The following LOC128462377 variants were observed in gnomAD, a reference collection of about 807,000 sequenced individuals.
At chr16:89,330,219 C>G in the LOC128462377 span, among the ~76,000 whole-genome samples, 1 of 152,146 alleles carries the variant, frequency 6.6e-6, no homozygotes, top group South Asian at 2.1e-4. Flanking sequence ...GCTGTGTGTC[C>G]GGTCAGGGGC....
chr16:89,348,637 T>C, the LOC128462377 span, among the ~76,000 whole-genome samples: 1 of 152,246 alleles, frequency 6.6e-6, no homozygotes, highest in Non-Finnish European at 1.5e-5. Flanking sequence ...GATACAGGAC[T>C]ATTTAAGCTA....
chr16:89,378,272 G>A, the LOC128462377 span, among the ~76,000 whole-genome samples: 1 of 152,142 alleles, frequency 6.6e-6, no homozygotes, highest in Non-Finnish European at 1.5e-5. Flanking sequence ...GGAAGGCACT[G>A]GTCAACAAAA....
the LOC128462377 span, among the ~76,000 whole-genome samples, chr16:89,328,518 CTATGGA>C: frequency 6.6e-6 from 1 of 152,206 alleles, no homozygotes; most frequent in Admixed American, 6.5e-5. Context: ...AAAGGGATGG[CTATGGA>C]TACACCCAAG....
chr16:89,413,342 T>C, the LOC128462377 span, among the ~76,000 whole-genome samples: 1 of 152,134 alleles, frequency 6.6e-6, no homozygotes, highest in Non-Finnish European at 1.5e-5. Flanking sequence ...AAAATGGAAG[T>C]GGACTGGGCG....
chr16:89,386,821 G>A, the LOC128462377 span, among the ~76,000 whole-genome samples: 1 of 152,182 alleles, frequency 6.6e-6, no homozygotes, highest in Non-Finnish European at 1.5e-5. Flanking sequence ...CCATAAAGCA[G>A]AAGCCTGAAG....
chr16:89,354,468 C>T, the LOC128462377 span, among the ~76,000 whole-genome samples: 1 of 152,222 alleles, frequency 6.6e-6, no homozygotes, highest in African/African-American at 2.4e-5. Context: ...CCTCCCTGCA[C>T]CAGTGGAAAT....
the LOC128462377 span, among the ~76,000 whole-genome samples, chr16:89,381,114 G>C: frequency 3.9e-5 from 6 of 152,140 alleles, no homozygotes; most frequent in Non-Finnish European, 7.4e-5. Context: ...TTTGAGATCA[G>C]GAGTTTGAGA....
the LOC128462377 span, among the ~76,000 whole-genome samples, chr16:89,349,177 T>TAAAAAAAAAAAAAAA: frequency 1.2e-5 from 1 of 85,034 alleles, no homozygotes; most frequent in African/African-American, 4.5e-5. Context: ...ATAATTATAG[T>TAAAAAAAAAAAAAAA]AATCAAGACA....
chr16:89,407,110 C>CGGGAGGCGG, the LOC128462377 span, among the ~76,000 whole-genome samples: 1 of 151,764 alleles, frequency 6.6e-6, no homozygotes, highest in East Asian at 1.9e-4. Flanking sequence ...CCCAGGTACT[C>CGGGAGGCGG]GGGAGGCGGA....
At chr16:89,319,461 G>T in the LOC128462377 span, among the ~76,000 whole-genome samples, 8 of 152,226 alleles carry the variant, frequency 5.3e-5, no homozygotes, top group African/African-American at 1.9e-4. Context: ...GTTGTCCCAG[G>T]TGTACGCTGT....
chr16:89,378,071 G>A, the LOC128462377 span, among the ~76,000 whole-genome samples: 1 of 152,134 alleles, frequency 6.6e-6, no homozygotes, highest in Admixed American at 6.5e-5. Flanking sequence ...TAAAATATGA[G>A]GGGCATGGTG....
chr16:89,341,168 CTCTGTT>C, the LOC128462377 span, among the ~76,000 whole-genome samples: 1 of 152,152 alleles, frequency 6.6e-6, no homozygotes, highest in African/African-American at 2.4e-5. Flanking sequence ...AAACCCACAG[CTCTGTT>C]TCTAAGGTGA....
the LOC128462377 span, among the ~76,000 whole-genome samples, chr16:89,354,649 A>C: frequency 1.3e-5 from 2 of 152,238 alleles, no homozygotes; most frequent in African/African-American, 4.8e-5. Flanking sequence ...TGGGAGGCCG[A>C]GGCAGGTGAA....
chr16:89,356,348 GAA>G, the LOC128462377 span, among the ~76,000 whole-genome samples: 1 of 151,816 alleles, frequency 6.6e-6, no homozygotes, highest in African/African-American at 2.4e-5. Context: ...GCTGAGGTGA[GAA>G]GGATGTGATC....
At chr16:89,413,601 G>C in the LOC128462377 span, among the ~76,000 whole-genome samples, 1 of 152,154 alleles carries the variant, frequency 6.6e-6, no homozygotes, top group Non-Finnish European at 1.5e-5. Context: ...CTCCAGCCTG[G>C]GCGACAGCCA....
the LOC128462377 span, among the ~76,000 whole-genome samples, chr16:89,391,273 G>A: frequency 2.8e-4 from 43 of 151,842 alleles, no homozygotes; most frequent in South Asian, 7.5e-3. Context: ...GAGGGGTCAC[G>A]GAACCCCAGA....
At chr16:89,351,693 G>A in the LOC128462377 span, among the ~76,000 whole-genome samples, 1 of 152,168 alleles carries the variant, frequency 6.6e-6, no homozygotes, top group African/African-American at 2.4e-5. Context: ...GCAATTCCAT[G>A]GACACAAAAT....
the LOC128462377 span, among the ~76,000 whole-genome samples, chr16:89,375,775 A>G: frequency 6.6e-6 from 1 of 151,138 alleles, no homozygotes; most frequent in Non-Finnish European, 1.5e-5. Flanking sequence ...TCTTAAAAAA[A>G]AAAAAAAAAA....
At chr16:89,393,615 T>G in the LOC128462377 span, among the ~76,000 whole-genome samples, 24 of 151,956 alleles carry the variant, frequency 1.6e-4, 1 homozygote, top group South Asian at 5.0e-3. Context: ...GTGGTGGGAT[T>G]ACAGGAGGAA....
Sources: gnomAD v4.1 joint callset for allele counts (sites outside exome capture counted in the v4.1 genomes callset) on GRCh38, gnomAD v4.1.1 for gene constraint, MANE v1.5 for transcripts.